TUSC3: variants seen among roughly 807,000 people sequenced by gnomAD.
TUSC3 encodes the protein tumor suppressor candidate 3.
In TUSC3, 45 loss-of-function variants were observed where a neutral mutation model predicts 44.8. That is an observed-to-expected ratio of 1.00 (90% confidence interval 0.79 to 1.29). TUSC3 has a LOEUF of 1.29. Among genes scored for constraint, TUSC3 ranks in the 50% most tolerant of loss-of-function variants. The pLI is 0.00. For missense variants in TUSC3, 519 were observed against 437.9 expected, an observed-to-expected ratio of 1.19 and a Z score of -1.65; for synonymous variants, 212 against 152.9, an observed-to-expected ratio of 1.39 and a Z score of -2.85.
At chr8:15,732,575 A>C (rs1036390319) in intron 7 of TUSC3, among the ~76,000 whole-genome samples, 4 of 150,370 alleles carry the variant, frequency 2.7e-5, no homozygotes, top group Non-Finnish European at 5.9e-5. Context: ...GAAAAAAAAA[A>C]TCATCTTCTA....
chr8:15,427,384 G>A (rs1280119873), intron 1 of TUSC3, among the ~76,000 whole-genome samples: 1 of 151,938 alleles, frequency 6.6e-6, no homozygotes, highest in Non-Finnish European at 1.5e-5. Context: ...TGCCTCTCTA[G>A]AATAATAAAT....
intron 2 of TUSC3, among the ~76,000 whole-genome samples, chr8:15,624,201 C>T (rs1435627803): frequency 1.3e-5 from 2 of 151,982 alleles, no homozygotes; most frequent in Non-Finnish European, 2.9e-5. Flanking sequence ...GGATGTACTG[C>T]TGTTTATTTA....
chr8:15,681,703 G>A (rs550219086), intron 6 of TUSC3, among the ~76,000 whole-genome samples: 5 of 151,160 alleles, frequency 3.3e-5, no homozygotes, highest in African/African-American at 1.2e-4. Context: ...ATTTATTTTT[G>A]TCTGCTACCT....
intron 6 of TUSC3, among the ~76,000 whole-genome samples, chr8:15,709,068 A>T (rs1279548211): frequency 2.0e-5 from 3 of 151,902 alleles, no homozygotes; most frequent in African/African-American, 7.2e-5. Context: ...TGGAAGGCAG[A>T]TATAAAAATG....
chr8:15,456,620 T>C lies in TUSC3; in HGVS notation n.92-26766T>C, dbSNP rs150202107. On this transcript the variant is annotated intron_variant and non_coding_transcript_variant, in intron 1 of 5. Coordinates refer to the TUSC3 transcript ENST00000503191. ...TTCATTCACTTATGGAACTTTGATG[T>C]AGACAGAGGTAGGGAAAAAAGGACT... Among the ~76,000 whole-genome samples, 117 of 152,186 alleles carry C rather than the reference T, an allele frequency of 7.7e-4. 1 individual carries two copies. Among genetic ancestry groups the C allele is most frequent in the African/African-American group, 2.7e-3 (114 of 41,542 alleles).
intron 2 of TUSC3, among the ~76,000 whole-genome samples, chr8:15,635,528 C>G (rs904811868): frequency 5.9e-5 from 9 of 152,084 alleles, no homozygotes; most frequent in African/African-American, 2.2e-4. Flanking sequence ...GAAATAATGA[C>G]ATATTTTAAT....
the TUSC3 span, among the ~76,000 whole-genome samples, chr8:15,810,610 G>T: frequency 6.6e-6 from 1 of 152,020 alleles, no homozygotes; most frequent in African/African-American, 2.4e-5. Context: ...TGCACTCTAG[G>T]CTGGGTAACA....
At chr8:15,671,937 C>G (rs1416921942) in intron 5 of TUSC3, among the ~76,000 whole-genome samples, 2 of 151,950 alleles carry the variant, frequency 1.3e-5, no homozygotes, top group East Asian at 3.9e-4. Context: ...CTCTAGAGTC[C>G]AGTAACATAC....
chr8:15,743,318 T>C, intron 7 of TUSC3: 1 of 551,584 alleles, frequency 1.8e-6, no homozygotes, highest in Non-Finnish European at 3.2e-6. Context: ...AATTAGCCTC[T>C]CAATATATCA....
intron 1 of TUSC3, among the ~76,000 whole-genome samples, chr8:15,602,938 AG>A (rs1804353311): frequency 6.6e-6 from 1 of 151,708 alleles, no homozygotes; most frequent in African/African-American, 2.4e-5. Context: ...CTTTAATGTT[AG>A]TAGATATTTT....
At chr8:15,442,188 A>ATGAGGGATTTTTTTT (rs1800029331) in intron 1 of TUSC3, among the ~76,000 whole-genome samples, 1 of 152,038 alleles carries the variant, frequency 6.6e-6, no homozygotes, top group African/African-American at 2.4e-5. Context: ...TAGTATATAT[A>ATGAGGGATTTTTTTT]CGATTTTTGT....
At chr8:15,566,460 G>C (rs556793206) in intron 1 of TUSC3, among the ~76,000 whole-genome samples, 63 of 152,058 alleles carry the variant, frequency 4.1e-4, no homozygotes, top group Non-Finnish European at 7.8e-4. Flanking sequence ...TAAGTTTAAA[G>C]ATTTTTGTCA....
chr8:15,439,106 C>T (rs1018370624), intron 1 of TUSC3, among the ~76,000 whole-genome samples: 2 of 152,270 alleles, frequency 1.3e-5, no homozygotes, highest in Non-Finnish European at 2.9e-5. Context: ...CCATATACAT[C>T]CATCAGGGAT....
chr8:15,563,050 A>C (rs1802537073), intron 1 of TUSC3, among the ~76,000 whole-genome samples: 1 of 152,108 alleles, frequency 6.6e-6, no homozygotes, highest in Non-Finnish European at 1.5e-5. Flanking sequence ...ATTTATGCCT[A>C]CTAAAGTGGG....
At chr8:15,605,938 A>G (rs2129156610) in intron 1 of TUSC3, among the ~76,000 whole-genome samples, 1 of 152,138 alleles carries the variant, frequency 6.6e-6, no homozygotes, top group South Asian at 2.1e-4. Context: ...GCCTTATGAC[A>G]CTGATCATCT....
intron 2 of TUSC3, among the ~76,000 whole-genome samples, chr8:15,646,034 C>T (rs1017493550): frequency 6.6e-6 from 1 of 152,052 alleles, no homozygotes; most frequent in Non-Finnish European, 1.5e-5. Flanking sequence ...GTACTAGATC[C>T]TAGCCATTGG....
At position 15,423,969 on chromosome 8, in the gene TUSC3, G is replaced by GTTTTTGTTTTGTTTT. The variant is rs1563247134; in HGVS notation, n.91+6669_91+6670insGTTTTGTTTTTTTTT. ...TACAGCATTCATACTGTTTTGCTTT[G>GTTTTTGTTTTGTTTT]TTTTTTTTTTTTTTTTTTTTTTTTT... On this transcript the variant is annotated intron_variant and non_coding_transcript_variant, in intron 1 of 5. Transcript: ENST00000503191. Among the ~76,000 whole-genome samples, 31 of 70,388 alleles carry GTTTTTGTTTTGTTTT rather than the reference G, an allele frequency of 4.4e-4. 3 individuals carry two copies. The highest frequency in any genetic ancestry group is 8.5e-3 in the Middle Eastern group (1 of 118). 46.2% of individuals were successfully genotyped at this position (70,388 alleles called of 152,430 possible).
Position 15,493,287 on chromosome 8 carries a change from G to GTC in TUSC3, n.189+9812_189+9813dup, listed in dbSNP as rs1369929264. On this transcript the variant is annotated intron_variant and non_coding_transcript_variant, in intron 2 of 5. Coordinates refer to the TUSC3 transcript ENST00000503191. ...TTTTTCTTTAGAGACAGGAGACAGG[G>GTC]TCTCTCTCTGTTGCCCAGGCTAGAG... is the stretch of plus-strand genomic sequence containing the variant. Among the ~76,000 whole-genome samples, 8 of 152,112 alleles carry GTC rather than the reference G, an allele frequency of 5.3e-5. No homozygotes were observed. The East Asian group carries it at 1.4e-3, about 26-fold the overall frequency.
chr8:15,716,208 G>C (rs567533846), intron 6 of TUSC3, among the ~76,000 whole-genome samples: 12 of 152,118 alleles, frequency 7.9e-5, no homozygotes, highest in African/African-American at 2.9e-4. Flanking sequence ...GCAAGCCAAG[G>C]TTGTGCCACT....
Sources: gnomAD v4.1 joint callset for allele counts (sites outside exome capture counted in the v4.1 genomes callset) on GRCh38, gnomAD v4.1.1 for gene constraint, MANE v1.5 for transcripts, NCBI Gene and HGNC (gene_info 2026-07-23, HGNC 2026-07-21) for gene names.